The following SELENOF variants were observed in gnomAD, a reference collection of about 807,000 sequenced individuals.
The protein encoded by SELENOF is 15 kDa selenoprotein.
Under a neutral mutation model 20.5 loss-of-function variants are expected in SELENOF, and 16 were observed. That is an observed-to-expected ratio of 0.78 (90% confidence interval 0.53 to 1.19). The LOEUF (loss-of-function observed/expected upper bound fraction) is 1.19. Among genes scored for constraint, SELENOF ranks in the 50% most tolerant of loss-of-function variants. The pLI, the probability that SELENOF is intolerant of heterozygous loss-of-function variation, is 0.00. For missense variants in SELENOF, 215 were observed against 194.2 expected (o/e 1.11, Z -0.64); for synonymous variants, 78 against 74.5 (o/e 1.05, Z -0.24).
At position 86,882,756 on chromosome 1, in the gene SELENOF, T is replaced by C. The variant is rs573706766; in HGVS notation, c.253-2031A>G. Among the ~76,000 whole-genome samples, 10 of 152,308 alleles carry C rather than the reference T, an allele frequency of 6.6e-5. No individual in the cohort carries two copies. In the South Asian group the frequency reaches 8.3e-4, roughly 13 times the overall value. On this transcript the variant is annotated intron_variant, in intron 2 of 4. Coordinates refer to ENST00000331835, the MANE Select transcript of SELENOF (RefSeq NM_004261.5). ...TAGCCAAAAGGTGGGAAAAAACTCA[T>C]GTGTTCATTAACAGATGAATGGAAA... is the stretch of plus-strand genomic sequence containing the variant.
At chr1:86,900,510 G>C (rs964140107) in intron 2 of SELENOF, among the ~76,000 whole-genome samples, 6 of 152,308 alleles carry the variant, frequency 3.9e-5, no homozygotes, top group Admixed American at 3.9e-4. Context: ...ATCAGGCAGG[G>C]AGGTTGCAGT....
intron 2 of SELENOF, among the ~76,000 whole-genome samples, chr1:86,888,407 A>G (rs1465834931): frequency 9.2e-5 from 14 of 152,162 alleles, no homozygotes; most frequent in Admixed American, 9.2e-4. Flanking sequence ...CTAATAATAT[A>G]TGGAAGCAAG....
intron 3 of SELENOF, among the ~76,000 whole-genome samples, chr1:86,871,735 G>A (rs1658774713): frequency 6.6e-6 from 1 of 152,054 alleles, no homozygotes; most frequent in Non-Finnish European, 1.5e-5. Context: ...AACTCAAGAT[G>A]TTTTACAAAT....
chr1:86,896,797 T>A (rs1659537544), intron 2 of SELENOF, among the ~76,000 whole-genome samples: 1 of 152,234 alleles, frequency 6.6e-6, no homozygotes, highest in Non-Finnish European at 1.5e-5. Flanking sequence ...AGTTTCCTTA[T>A]TCTTTCAGTT....
At chr1:86,890,863 T>G (rs1659365829) in intron 2 of SELENOF, among the ~76,000 whole-genome samples, 1 of 152,104 alleles carries the variant, frequency 6.6e-6, no homozygotes, top group Admixed American at 6.6e-5. Context: ...CCATAAAGAT[T>G]AATATGGTTG....
At chr1:86,883,927 T>C (rs1659143126) in intron 2 of SELENOF, among the ~76,000 whole-genome samples, 1 of 152,158 alleles carries the variant, frequency 6.6e-6, no homozygotes. Flanking sequence ...TAGAAACATA[T>C]CCTTTAATGA....
At chr1:86,890,617 C>T (rs1659356187) in intron 2 of SELENOF, among the ~76,000 whole-genome samples, 1 of 151,740 alleles carries the variant, frequency 6.6e-6, no homozygotes, top group Admixed American at 6.6e-5. Context: ...CTCAGCCTCC[C>T]AAATAGCTAG....
intron 4 of SELENOF, among the ~76,000 whole-genome samples, chr1:86,864,039 A>G (rs1658532144): frequency 1.3e-5 from 2 of 152,262 alleles, no homozygotes; most frequent in South Asian, 2.1e-4. Context: ...ATTGAAATTA[A>G]CAAGTATGTA....
At chr1:86,873,718 G>T (rs1230340023) in intron 3 of SELENOF, among the ~76,000 whole-genome samples, 1 of 151,948 alleles carries the variant, frequency 6.6e-6, no homozygotes, top group Non-Finnish European at 1.5e-5. Flanking sequence ...TGGGCGTGGT[G>T]GTGCATGCCT....
At chr1:86,896,122 C>T (rs1659516197) in intron 2 of SELENOF, among the ~76,000 whole-genome samples, 3 of 151,848 alleles carry the variant, frequency 2.0e-5, no homozygotes. Flanking sequence ...CAGCTGCTTG[C>T]GAGGCTGAGG....
intron 1 of SELENOF, 171 bp downstream of exon 1, chr1:86,913,857 G>T (rs540836559): frequency 3.7e-5 from 23 of 625,710 alleles, no homozygotes; most frequent in African/African-American, 2.6e-4. Flanking sequence ...CCAAGGCGGG[G>T]AAGGAGAAGG....
intron 3 of SELENOF, among the ~76,000 whole-genome samples, chr1:86,872,917 T>C (rs1291577148): frequency 6.6e-6 from 1 of 152,066 alleles, no homozygotes; most frequent in Non-Finnish European, 1.5e-5. Context: ...GGCAGGCGCC[T>C]GTAGCGCGGC....
intron 2 of SELENOF, among the ~76,000 whole-genome samples, chr1:86,888,922 C>T (rs1443146309): frequency 1.3e-5 from 2 of 152,236 alleles, no homozygotes; most frequent in African/African-American, 4.8e-5. Flanking sequence ...GCTAGGATTA[C>T]AGGCGTGCCT....
intron 2 of SELENOF, among the ~76,000 whole-genome samples, chr1:86,890,963 C>T (rs1659367883): frequency 6.6e-6 from 1 of 151,706 alleles, no homozygotes; most frequent in African/African-American, 2.4e-5. Context: ...TAGTGGTTAC[C>T]TTCGTAACAT....
intron 3 of SELENOF, among the ~76,000 whole-genome samples, chr1:86,871,915 A>G (rs563861239): frequency 1.3e-5 from 2 of 152,312 alleles, no homozygotes; most frequent in South Asian, 2.1e-4. Context: ...GTCCAAGAAA[A>G]GAAATAATGG....
chr1:86,882,760 T>C (rs992205558), intron 2 of SELENOF, among the ~76,000 whole-genome samples: 1 of 152,186 alleles, frequency 6.6e-6, no homozygotes, highest in South Asian at 2.1e-4. Context: ...AACTCATGTG[T>C]TCATTAACAG....
rs894709702 is a variant in SELENOF, at chr1:86,880,865, C to T, written c.253-140G>A. On this transcript the variant is annotated intron_variant, in intron 2 of 4. Coordinates refer to ENST00000331835, the MANE Select transcript of SELENOF (RefSeq NM_004261.5). ...GAAATGTCAAAGCTGGTTAGCCAGA[C>T]AGGACCATGTAGTTCCAGTCTAATG... 2.1e-5 allele frequency: 11 copies of T among 516,380 alleles called. No individual in the cohort carries two copies. In the South Asian group the frequency reaches 3.2e-4, roughly 15 times the overall value. The allele number at this position is 516,380 out of a possible 1,614,324, so 32.0% of individuals were successfully genotyped here. A position where few individuals can be genotyped will look rare whatever the true frequency, so the allele number is the denominator to read the frequency against.
chr1:86,914,122 T>C lies in SELENOF; in HGVS notation c.-11A>G. The stretch of plus-strand genomic sequence containing the variant: ...CGCCATCGCTACCATTTTCCGCAGG[T>C]TTCTGGCTGCCTAGAAGGACCCCTA... On this transcript the variant is annotated 5_prime_UTR_variant, in exon 1 of 5. Transcript: ENST00000331835. 1 of 1,611,564 alleles carries C rather than the reference T, an allele frequency of 6.2e-7. No homozygotes were observed. The highest frequency in any genetic ancestry group is 8.5e-7 in the Non-Finnish European group (1 of 1,177,808).
chr1:86,894,497 A>T (rs1659470585), intron 2 of SELENOF, among the ~76,000 whole-genome samples: 1 of 152,196 alleles, frequency 6.6e-6, no homozygotes, highest in Non-Finnish European at 1.5e-5. Flanking sequence ...TGACTTTAAA[A>T]TATGAGTCTC....
Sources: gnomAD v4.1 joint callset for allele counts (sites outside exome capture counted in the v4.1 genomes callset) on GRCh38, gnomAD v4.1.1 for gene constraint, MANE v1.5 for transcripts, NCBI Gene and HGNC (gene_info 2026-07-23, HGNC 2026-07-21) for gene names.